The following KCNK10 variants were observed in gnomAD, a reference collection of about 807,000 sequenced individuals.
KCNK10 encodes potassium channel subfamily K member 10.
A neutral mutation model predicts 47.7 loss-of-function variants in KCNK10; 25 were observed. The ratio of observed to expected loss-of-function variants is 0.52; its 90% CI spans 0.38 to 0.73. The LOEUF is 0.73. Among genes scored for constraint, KCNK10 ranks in the 30% least tolerant of loss-of-function variants. The pLI, the probability that KCNK10 is intolerant of heterozygous loss-of-function variation, is 0.00. For missense variants in KCNK10, 563 were observed against 714.5 expected (o/e 0.79, Z 2.42); for synonymous variants, 303 against 285.6 (o/e 1.06, Z -0.61).
At chr14:88,300,148 TTCTA>T (rs1888065144) in intron 1 of KCNK10, among the ~76,000 whole-genome samples, 2 of 152,202 alleles carry the variant, frequency 1.3e-5, no homozygotes, top group Non-Finnish European at 2.9e-5. Flanking sequence ...TCTCAGCCCT[TTCTA>T]TCCCTTGAGC....
At position 88,240,283 on chromosome 14, in the gene KCNK10, T is replaced by C. The variant is rs1886415656; in HGVS notation, c.520+420A>G. Reference sequence around the variant, plus strand: ...TGTTAAAATCAACAATCAAAACAGATGAAAGCAACAGTCTCTGGGAAGGTA... The same window carrying C: ...TGTTAAAATCAACAATCAAAACAGACGAAAGCAACAGTCTCTGGGAAGGTA... On this transcript the variant is annotated intron_variant, in intron 3 of 6. Transcript: ENST00000319231. Among the ~76,000 whole-genome samples the C allele has an allele frequency of 2.0e-5, 3 of 152,158 alleles. No homozygotes were observed. The South Asian group carries it at 6.2e-4, about 31-fold the overall frequency.
intron 2 of KCNK10, among the ~76,000 whole-genome samples, chr14:88,261,833 T>G (rs1029969626): frequency 6.6e-6 from 1 of 152,092 alleles, no homozygotes; most frequent in Non-Finnish European, 1.5e-5. Context: ...TTATATGAAA[T>G]GCTGCCCTTG....
rs1178414036 is a variant in KCNK10, at chr14:88,263,290, C to T, written c.314G>A (p.Ser105Asn). Residue 105 changes from serine to asparagine, a missense_variant, in exon 2 of 7, where the codon AGC becomes AAC. Transcript: ENST00000319231. ...CTCCAAGGCGATGGTATTCTTCTGG[C>T]TGCTCTCAAAGGGCTGCTCCAATGC... ...FRALEQPFES[S>N]QKNTIALEKA... is the part of the protein sequence containing the mutation. The T allele has an allele frequency of 1.2e-6, 2 of 1,614,140 alleles. No homozygotes were observed. Among genetic ancestry groups the T allele is most frequent in the East Asian group, 4.5e-5 (2 of 44,886 alleles).
intron 4 of KCNK10, among the ~76,000 whole-genome samples, chr14:88,212,160 G>C (rs1441875113): frequency 7.2e-6 from 1 of 139,468 alleles, no homozygotes; most frequent in Non-Finnish European, 1.6e-5. Flanking sequence ...AAAGAGAGAG[G>C]CCGGGCATGG....
At chr14:88,214,773 A>ATT (rs1885567447) in intron 4 of KCNK10, among the ~76,000 whole-genome samples, 1 of 152,252 alleles carries the variant, frequency 6.6e-6, no homozygotes, top group African/African-American at 2.4e-5. Context: ...GAGAGAGAGC[A>ATT]TGAAGTCAGA....
intron 2 of KCNK10, among the ~76,000 whole-genome samples, chr14:88,245,673 C>T (rs887223190): frequency 8.5e-5 from 13 of 152,256 alleles, no homozygotes; most frequent in Admixed American, 3.3e-4. Context: ...TCCTTATGTG[C>T]CACCAAAAAG....
chr14:88,303,374 A>G (rs1409164458), intron 1 of KCNK10, among the ~76,000 whole-genome samples: 1 of 152,188 alleles, frequency 6.6e-6, no homozygotes, highest in Non-Finnish European at 1.5e-5. Flanking sequence ...TGCAATGTCC[A>G]TAAGTGGCCT....
At chr14:88,230,052 A>G (rs1420635572) in intron 3 of KCNK10, among the ~76,000 whole-genome samples, 2 of 152,196 alleles carry the variant, frequency 1.3e-5, no homozygotes, top group Non-Finnish European at 2.9e-5. Context: ...TCATCAAAAG[A>G]CAAGGCTATT....
At chr14:88,228,674 T>C (rs1355824156) in intron 3 of KCNK10, among the ~76,000 whole-genome samples, 3 of 152,200 alleles carry the variant, frequency 2.0e-5, no homozygotes, top group Non-Finnish European at 4.4e-5. Flanking sequence ...TAGTCCATCA[T>C]TCAGCCACCC....
At position 88,182,036 on chromosome 14, in the gene KCNK10, G is replaced by GCGCACACA. The variant is rs878911675; in HGVS notation, c.*3498_*3499insTGTGTGCG. The stretch of plus-strand genomic sequence containing the variant: ...AGATGGCCCAACACCACCCCAACCC[G>GCGCACACA]CACACACACACACACACACACACAC... On this transcript the variant is annotated 3_prime_UTR_variant, in exon 7 of 7. Transcript: ENST00000319231. The GCGCACACA allele has an allele frequency of 3.1e-3, 427 of 137,142 alleles. 3 individuals carry two copies. The highest frequency in any genetic ancestry group is 4.3e-3 in the Non-Finnish European group (272 of 63,712). 8.5% of individuals were successfully genotyped at this position (137,142 alleles called of 1,614,324 possible). A position where few individuals can be genotyped will look rare whatever the true frequency, so the allele number is the denominator to read the frequency against.
intron 4 of KCNK10, among the ~76,000 whole-genome samples, chr14:88,214,295 A>G (rs1885550786): frequency 6.6e-6 from 1 of 152,180 alleles, no homozygotes; most frequent in South Asian, 2.1e-4. Flanking sequence ...ATGAGCCCAG[A>G]AAAAGAAGAA....
intron 1 of KCNK10, among the ~76,000 whole-genome samples, chr14:88,287,163 G>A (rs1383885792): frequency 6.6e-6 from 1 of 152,110 alleles, no homozygotes; most frequent in Non-Finnish European, 1.5e-5. Context: ...CCTCCAGAAT[G>A]CATAATCTGA....
In KCNK10 at chr14:88,322,340, G is replaced by T. The variant is rs1400515365; in HGVS notation, c.52+407C>A. Among the ~76,000 whole-genome samples the T allele has an allele frequency of 1.6e-4, 25 of 152,046 alleles. No individual in the cohort carries two copies. The highest frequency in any genetic ancestry group is 1.6e-3 in the Admixed American group (25 of 15,258). ...CACTGAGGACACCCGGGCATGCGGC[G>T]CAGCTCCAGGTCCAGGGGGAAGCAC... is the stretch of plus-strand genomic sequence containing the variant. On this transcript the variant is annotated intron_variant, in intron 1 of 6. Coordinates refer to ENST00000319231, the MANE Select transcript of KCNK10 (RefSeq NM_138317.3). This position sits in a 1 kb window ranked among gnomAD's most constrained non-coding sequence, Gnocchi z 4.8.
chr14:88,288,600 G>C (rs902939812), intron 1 of KCNK10, among the ~76,000 whole-genome samples: 1 of 152,138 alleles, frequency 6.6e-6, no homozygotes, highest in Admixed American at 6.5e-5. Flanking sequence ...ACTGCATGCT[G>C]AAAACCTTCC....
chr14:88,254,211 C>A (rs1464401767), intron 2 of KCNK10, among the ~76,000 whole-genome samples: 2 of 152,166 alleles, frequency 1.3e-5, no homozygotes, highest in African/African-American at 4.8e-5. Context: ...AGAAGGCAGC[C>A]TACCAGGGAG....
chr14:88,186,229 C>T lies in KCNK10; in HGVS notation c.1012-74G>A. On this transcript the variant is annotated intron_variant, in intron 6 of 6. Coordinates refer to ENST00000319231, the MANE Select transcript of KCNK10 (RefSeq NM_138317.3). This position sits in a 1 kb window ranked among gnomAD's most constrained non-coding sequence, Gnocchi z 5.5. ...CCTTGGCCTCCCAGCACCCACAGCC[C>T]TCGGGTGTCCCCACGGGGAGGCCAG... 1 of 1,477,464 alleles carries T rather than the reference C, an allele frequency of 6.8e-7. No homozygotes were observed. The allele number at this position is 1,477,464 out of a possible 1,614,324, so 91.5% of individuals were successfully genotyped here.
At chr14:88,292,072 C>T (rs540337208) in intron 1 of KCNK10, among the ~76,000 whole-genome samples, 30 of 152,322 alleles carry the variant, frequency 2.0e-4, no homozygotes, top group African/African-American at 7.2e-4. Flanking sequence ...CAAGAACTCA[C>T]AAAAGCTGGA....
rs142239459 is a variant in KCNK10 at position 88,296,031 on chromosome 14, A to G, written c.52+26716T>C. On this transcript the variant is annotated intron_variant, in intron 1 of 6. Coordinates refer to ENST00000319231, the MANE Select transcript of KCNK10 (RefSeq NM_138317.3). ...ATCCCCTCCCAATCTGGTCTAGTCC[A>G]TGCACCTGGGCTATACACAGAGGAA... is the stretch of plus-strand genomic sequence containing the variant. Among the ~76,000 whole-genome samples, 69 of 152,302 alleles carry G rather than the reference A, an allele frequency of 4.5e-4. 2 individuals are homozygous for G. In the East Asian group the frequency reaches 0.012, roughly 27 times the overall value.
At chr14:88,265,757 T>G (rs1279405178) in intron 1 of KCNK10, among the ~76,000 whole-genome samples, 3 of 152,292 alleles carry the variant, frequency 2.0e-5, no homozygotes, top group Non-Finnish European at 2.9e-5. Flanking sequence ...TTTTTCCCCG[T>G]GCTGTTCTCG....
Sources: gnomAD v4.1 joint callset for allele counts (sites outside exome capture counted in the v4.1 genomes callset) on GRCh38, gnomAD v4.1.1 for gene constraint, Gnocchi (gnomAD v3.1) non-coding constraint, MANE v1.5 for transcripts, NCBI Gene and HGNC (gene_info 2026-07-23, HGNC 2026-07-21) for gene names.